EPHA6: variants seen among roughly 807,000 people sequenced by gnomAD.
EPHA6 encodes EPH receptor A6, also known as ephrin type-A receptor 6.
A neutral mutation model predicts 112.0 loss-of-function variants in EPHA6; 50 were observed. The observed-to-expected ratio is 0.45, with a 90% CI of 0.36 to 0.56. The LOEUF is 0.56. EPHA6 is among the 20% of genes least tolerant of loss of function. The pLI is 0.00. For missense variants in EPHA6, 1,280 were observed against 1,417.4 expected (o/e 0.90, Z 1.56); for synonymous variants, 529 against 490.7 (o/e 1.08, Z -1.03).
At chr3:96,839,546 A>G (rs929495207) in intron 1 of EPHA6, among the ~76,000 whole-genome samples, 4 of 152,056 alleles carry the variant, frequency 2.6e-5, no homozygotes, top group Non-Finnish European at 5.9e-5. Flanking sequence ...TTAGTTGGGA[A>G]CTATTATTGT....
chr3:97,045,652 G>A (rs1320671788), intron 3 of EPHA6, among the ~76,000 whole-genome samples: 3 of 151,912 alleles, frequency 2.0e-5, no homozygotes, highest in East Asian at 3.9e-4. Context: ...TAATTTCATT[G>A]CTTTGGAAAT....
At chr3:97,212,499 C>T (rs1001520568) in intron 3 of EPHA6, among the ~76,000 whole-genome samples, 1 of 152,150 alleles carries the variant, frequency 6.6e-6, no homozygotes, top group Non-Finnish European at 1.5e-5. Context: ...GTCTTTTGGT[C>T]TACATACCTT....
intron 2 of EPHA6, among the ~76,000 whole-genome samples, chr3:96,904,323 TG>T (rs34678323): frequency 2.0e-5 from 3 of 151,886 alleles, no homozygotes; most frequent in Admixed American, 2.0e-4. Context: ...TGGATGAAGC[TG>T]GAAACCATCA....
chr3:97,666,690 A>G (rs537760896), intron 14 of EPHA6, among the ~76,000 whole-genome samples: 2 of 152,164 alleles, frequency 1.3e-5, no homozygotes, highest in Non-Finnish European at 2.9e-5. Flanking sequence ...TACTTCTACA[A>G]TGACCCTATT....
intron 2 of EPHA6, among the ~76,000 whole-genome samples, chr3:96,946,129 AT>A (rs1280931135): frequency 6.6e-6 from 1 of 152,028 alleles, no homozygotes. Flanking sequence ...TAGTTATATG[AT>A]TTTAAGTTTC....
chr3:97,616,984 A>C (rs140142072), intron 13 of EPHA6, among the ~76,000 whole-genome samples: 104 of 152,286 alleles, frequency 6.8e-4, no homozygotes, highest in African/African-American at 2.3e-3. Flanking sequence ...TAATCATCAG[A>C]TTCTCCAAGG....
chr3:96,922,735 C>T (rs764905977), intron 2 of EPHA6, among the ~76,000 whole-genome samples: 1 of 151,896 alleles, frequency 6.6e-6, no homozygotes, highest in Non-Finnish European at 1.5e-5. Flanking sequence ...GTTTACTGCA[C>T]AGATTATCCC....
rs115525850 is a variant in EPHA6 at position 97,321,355 on chromosome 3, C to T, written c.1606+77068C>T. Among the ~76,000 whole-genome samples the T allele has an allele frequency of 5.3e-3, 804 of 151,986 alleles. 12 individuals are homozygous for T. The highest frequency in any genetic ancestry group is 0.018 in the African/African-American group (728 of 41,382). On this transcript the variant is annotated intron_variant, in intron 5 of 17. Transcript: ENST00000389672. Reference sequence around the variant, plus strand: ...ATGAATACTTTTAATTTGAGGTTTTCCTGGGCTCTGAGTGATACAATGACC... The same window carrying T: ...ATGAATACTTTTAATTTGAGGTTTTTCTGGGCTCTGAGTGATACAATGACC...
At chr3:96,914,811 A>T (rs2039404527) in intron 2 of EPHA6, among the ~76,000 whole-genome samples, 1 of 152,028 alleles carries the variant, frequency 6.6e-6, no homozygotes. Flanking sequence ...GACAGAAATT[A>T]AAAGTGTGTT....
At chr3:97,682,468 C>T (rs2031933630) in intron 14 of EPHA6, among the ~76,000 whole-genome samples, 1 of 151,952 alleles carries the variant, frequency 6.6e-6, no homozygotes, top group Admixed American at 6.6e-5. Context: ...TATAATTGAC[C>T]CTTCTACCTA....
chr3:97,557,545 T>C (rs2107136868), intron 11 of EPHA6, among the ~76,000 whole-genome samples: 1 of 152,098 alleles, frequency 6.6e-6, no homozygotes, highest in Admixed American at 6.6e-5. Flanking sequence ...TCCCGATATA[T>C]GTCTAAGAAT....
intron 13 of EPHA6, among the ~76,000 whole-genome samples, chr3:97,627,910 C>T (rs1284513394): frequency 1.3e-5 from 2 of 151,860 alleles, no homozygotes; most frequent in Non-Finnish European, 2.9e-5. Flanking sequence ...CAATATTTGT[C>T]AAAAGTTCCC....
At position 97,077,195 on chromosome 3, in the gene EPHA6, C is replaced by T. The variant is rs558267281; in HGVS notation, c.1114+89202C>T. On this transcript the variant is annotated intron_variant, in intron 3 of 17. Transcript: ENST00000389672. ...TGGAAAAAGCTCACCATTTTACATGCCATTAGGAACATTTGTGATTTATGG... is the reference window on the plus strand; with the variant it reads ...TGGAAAAAGCTCACCATTTTACATGTCATTAGGAACATTTGTGATTTATGG... Among the ~76,000 whole-genome samples the T allele has an allele frequency of 9.2e-5, 14 of 152,162 alleles. No homozygotes were observed. The South Asian group carries it at 2.9e-3, about 32-fold the overall frequency.
chr3:97,332,565 CT>C (rs2108827822), intron 5 of EPHA6, among the ~76,000 whole-genome samples: 1 of 152,210 alleles, frequency 6.6e-6, no homozygotes, highest in South Asian at 2.1e-4. Context: ...TGCTATTTTT[CT>C]AAAAGTTTTA....
intron 11 of EPHA6, among the ~76,000 whole-genome samples, 197 bp downstream of exon 11, chr3:97,532,740 G>A (rs1322048984): frequency 1.3e-5 from 2 of 151,950 alleles, no homozygotes; most frequent in Non-Finnish European, 2.9e-5. Flanking sequence ...CTTTGACATG[G>A]TATTACCTGC....
At chr3:97,388,470 T>C (rs1296455187) in intron 5 of EPHA6, among the ~76,000 whole-genome samples, 2 of 152,044 alleles carry the variant, frequency 1.3e-5, no homozygotes, top group Non-Finnish European at 2.9e-5. Flanking sequence ...TGGGGGTTTA[T>C]ATACAATCTT....
chr3:97,614,956 C>T (rs1377336580), intron 13 of EPHA6, among the ~76,000 whole-genome samples: 1 of 152,058 alleles, frequency 6.6e-6, no homozygotes, highest in Non-Finnish European at 1.5e-5. Context: ...TGAAAATGTT[C>T]AGTGGGTGGG....
chr3:97,388,213 T>C (rs1308519957), intron 5 of EPHA6, among the ~76,000 whole-genome samples: 1 of 152,226 alleles, frequency 6.6e-6, no homozygotes, highest in Admixed American at 6.5e-5. Flanking sequence ...CAGTCAGTCT[T>C]TCTCATTAAA....
Position 97,492,547 on chromosome 3 carries a change from C to CAAAAAAAAAA in EPHA6, c.2200+8526_2200+8535dup, listed in dbSNP as rs780244403. Among the ~76,000 whole-genome samples, 18 of 28,944 alleles carry CAAAAAAAAAA rather than the reference C, an allele frequency of 6.2e-4. 6 individuals are homozygous for CAAAAAAAAAA. The highest frequency in any genetic ancestry group is 4.9e-3 in the East Asian group (2 of 412). 19.0% of individuals were successfully genotyped at this position (28,944 alleles called of 152,430 possible). ...ACAGAGCGAGAGTGAGACTCAGTCT[C>CAAAAAAAAAA]AAAAAAAAAAAAAAAAAAAAAAAAA... On this transcript the variant is annotated intron_variant, in intron 10 of 17. Transcript: ENST00000389672.
Sources: allele counts gnomAD v4.1 joint callset (sites outside exome capture counted in the v4.1 genomes callset), GRCh38; gene constraint gnomAD v4.1.1; transcripts MANE v1.5; gene names NCBI Gene and HGNC (gene_info 2026-07-23, HGNC 2026-07-21).